Variants in AKT2 observed in about 807,000 individuals in gnomAD.
AKT2 encodes the protein AKT serine/threonine kinase 2, also known as RAC-beta serine/threonine-protein kinase.
Under a neutral mutation model 58.6 loss-of-function variants are expected in AKT2, and 16 were observed. That is an observed-to-expected ratio of 0.27 (90% CI 0.18 to 0.41). The LOEUF is 0.41. AKT2 is among the 10% of genes least tolerant of loss of function. The probability of loss-of-function intolerance (pLI) is 1.00; values close to 1 mark genes in which losing one functional copy is unlikely to be tolerated. For synonymous variants in AKT2, 253 were observed against 254.0 expected, an observed-to-expected ratio of 1.00 and a Z score of 0.04; for missense variants, 438 against 661.0, an observed-to-expected ratio of 0.66 and a Z score of 3.70.
Position 40,233,085 on chromosome 19 carries a change from GC to G in AKT2, c.*786del, listed in dbSNP as rs1323898417. 1 of 238,140 alleles carries G rather than the reference GC, an allele frequency of 4.2e-6. No individual in the cohort carries two copies. The allele number at this position is 238,140 out of a possible 1,614,324, so 14.8% of individuals were successfully genotyped here. A position where few individuals can be genotyped will look rare whatever the true frequency, so the allele number is the denominator to read the frequency against. On this transcript the variant is annotated 3_prime_UTR_variant, in exon 14 of 14. Transcript: ENST00000392038. The surrounding 1 kb of genome is among the most constrained non-coding windows in gnomAD (Gnocchi z 4.3). Reference sequence around the variant, plus strand: ...GGGGCCAGGCCAGGCCCAGGGTCCAGCGGGAGGTAAGGCCAGCTGGAAGGAA... The same window carrying G: ...GGGGCCAGGCCAGGCCCAGGGTCCAGGGGAGGTAAGGCCAGCTGGAAGGAA...
At chr19:40,282,026 C>T (rs1363854785) in intron 1 of AKT2, among the ~76,000 whole-genome samples, 1 of 152,154 alleles carries the variant, frequency 6.6e-6, no homozygotes, top group Non-Finnish European at 1.5e-5. Flanking sequence ...TGGATTTGAA[C>T]CCTGTGCTCT....
chr19:40,234,940 G>A lies in AKT2; in HGVS notation c.1366+105C>T. ...AGACTTGGGGAAATCTCCCAGACAT[G>A]AAGCGGGGGCCTTCGAGGGCCCTCC... On this transcript the variant is annotated intron_variant, in intron 13 of 13. Coordinates refer to ENST00000392038, the MANE Select transcript of AKT2 (RefSeq NM_001626.6). The surrounding 1 kb of genome is among the most constrained non-coding windows in gnomAD (Gnocchi z 4.7). 1 of 1,051,446 alleles carries A rather than the reference G, an allele frequency of 9.5e-7. No homozygotes were observed. The allele number at this position is 1,051,446 out of a possible 1,614,324, so 65.1% of individuals were successfully genotyped here.
chr19:40,283,271 G>T (rs548341225), intron 1 of AKT2: 36 of 152,368 alleles, frequency 2.4e-4, no homozygotes, highest in African/African-American at 8.7e-4. Flanking sequence ...TCCAAACAGT[G>T]TGTGGCCCAC....
chr19:40,235,966 T>C lies in AKT2; in HGVS notation c.1099A>G (p.Ile367Val), dbSNP rs1470923617. Reference sequence around the variant, plus strand: ...GGGCTGAGCGTGCGCGGGAAGCGGATCTCTTCCATGAGGATGAGCTCGAAG... The same window carrying C: ...GGGCTGAGCGTGCGCGGGAAGCGGACCTCTTCCATGAGGATGAGCTCGAAG... ...RLFELILMEE[I>V]RFPRTLSPEA... Residue 367 changes from isoleucine (I) to valine (V), a missense_variant, in exon 11 of 14, where the codon ATC (isoleucine) becomes GTC (valine). By Grantham distance (29) the Ile-to-Val change is conservative (BLOSUM62 3). Coordinates refer to ENST00000392038, the MANE Select transcript of AKT2 (RefSeq NM_001626.6). This position sits in a 1 kb window ranked among gnomAD's most constrained non-coding sequence, Gnocchi z 6.3. The C allele has an allele frequency of 8.1e-6, 13 of 1,614,012 alleles. No homozygotes were observed. The highest frequency in any genetic ancestry group is 8.5e-7 in the Non-Finnish European group (1 of 1,180,006).
chr19:40,252,948 C>T (rs1975271395), intron 4 of AKT2, among the ~76,000 whole-genome samples: 1 of 152,092 alleles, frequency 6.6e-6, no homozygotes, highest in African/African-American at 2.4e-5. Flanking sequence ...TTTTGTTCCC[C>T]TCAGTGGGGC....
At chr19:40,280,261 T>C (rs1028282596) in intron 1 of AKT2, among the ~76,000 whole-genome samples, 2 of 152,168 alleles carry the variant, frequency 1.3e-5, no homozygotes, top group Non-Finnish European at 2.9e-5. Context: ...GCTGGTTGGG[T>C]TGGGGAGGAA....
rs1973902472 is a variant in AKT2 at position 40,234,713 on chromosome 19, G to A, written c.1366+332C>T. On this transcript the variant is annotated intron_variant, in intron 13 of 13. Coordinates refer to ENST00000392038, the MANE Select transcript of AKT2 (RefSeq NM_001626.6). This position sits in a 1 kb window ranked among gnomAD's most constrained non-coding sequence, Gnocchi z 4.7. ...GCCCAGGGCTGGCTCAATCAGTGCT[G>A]TGTCCCCAGCATAGCCCAGCCCTGG... The A allele has an allele frequency of 1.7e-6, 1 of 599,302 alleles. No homozygotes were observed. The highest frequency in any genetic ancestry group is 2.0e-5 in the South Asian group (1 of 49,620). 37.1% of individuals were successfully genotyped at this position (599,302 alleles called of 1,614,324 possible). A position where few individuals can be genotyped will look rare whatever the true frequency, so the allele number is the denominator to read the frequency against.
intron 1 of AKT2, among the ~76,000 whole-genome samples, chr19:40,278,117 G>C (rs1048758257): frequency 3.3e-5 from 5 of 152,212 alleles, no homozygotes; most frequent in African/African-American, 1.2e-4. Flanking sequence ...TGCCAGCTCT[G>C]TCTAGGAGAA....
At chr19:40,271,042 AC>A (rs1408241802) in intron 1 of AKT2, among the ~76,000 whole-genome samples, 3 of 150,014 alleles carry the variant, frequency 2.0e-5, no homozygotes, top group African/African-American at 7.4e-5. Context: ...AAACAAACAA[AC>A]AAACAAAAAA....
chr19:40,235,830 G>A lies in AKT2; in HGVS notation c.1175+60C>T, dbSNP rs1973987343. The stretch of plus-strand genomic sequence containing the variant: ...CCCTTGTGGACGCTGCCCCCTCCAG[G>A]CCGCAGGGACAGTGGCAGCAGCTGG... On this transcript the variant is annotated intron_variant, in intron 11 of 13. Transcript: ENST00000392038. The surrounding 1 kb of genome is among the most constrained non-coding windows in gnomAD (Gnocchi z 6.3). 1 of 1,525,240 alleles carries A rather than the reference G, an allele frequency of 6.6e-7. No homozygotes were observed. Among genetic ancestry groups the A allele is most frequent in the Non-Finnish European group, 8.9e-7 (1 of 1,129,272 alleles). The allele number at this position is 1,525,240 out of a possible 1,614,324, so 94.5% of individuals were successfully genotyped here. A position where few individuals can be genotyped will look rare whatever the true frequency, so the allele number is the denominator to read the frequency against.
At position 40,238,502 on chromosome 19, in the gene AKT2, C is replaced by A. The variant is rs367910101; in HGVS notation, c.708+403G>T. ...CAAGGAGTGGGTGACAAAAGTGAGG[C>A]GACTCTGTAAGGGGAAGCTGAGCGG... On this transcript the variant is annotated intron_variant, in intron 8 of 13. Coordinates refer to ENST00000392038, the MANE Select transcript of AKT2 (RefSeq NM_001626.6). The surrounding 1 kb of genome is among the most constrained non-coding windows in gnomAD (Gnocchi z 5.1). Among the ~76,000 whole-genome samples, 1 of 152,108 alleles carries A rather than the reference C, an allele frequency of 6.6e-6. No individual in the cohort carries two copies. Among genetic ancestry groups the A allele is most frequent in the Non-Finnish European group, 1.5e-5 (1 of 68,026 alleles).
intron 1 of AKT2, among the ~76,000 whole-genome samples, chr19:40,265,814 T>A (rs1224026862): frequency 6.6e-6 from 1 of 151,932 alleles, no homozygotes; most frequent in Non-Finnish European, 1.5e-5. Context: ...ACACACTCTT[T>A]TCTCTCTCTC....
At chr19:40,245,894 C>A (rs1240672509) in intron 4 of AKT2, among the ~76,000 whole-genome samples, 1 of 152,122 alleles carries the variant, frequency 6.6e-6, no homozygotes, top group African/African-American at 2.4e-5. Flanking sequence ...AGGGCCAGGG[C>A]GCAGCAGGGC....
In AKT2 at chr19:40,236,393, A is replaced by G; in HGVS notation, c.832-8T>C. On this transcript the variant is annotated splice_polypyrimidine_tract_variant and splice_region_variant and intron_variant, in intron 9 of 13. Transcript: ENST00000392038. ...CAGCATGAGGTTTTCCAGCTGTTGG[A>G]AAAGTCAACGGATCTCAGGTGCATG... 6.2e-7 allele frequency: 1 copy of G among 1,614,040 alleles called. No individual in the cohort carries two copies. The highest frequency in any genetic ancestry group is 8.5e-7 in the Non-Finnish European group (1 of 1,180,012).
At chr19:40,241,910 T>G in intron 6 of AKT2, 28 bp downstream of exon 6, 5 of 1,612,974 alleles carry the variant, frequency 3.1e-6, no homozygotes, top group Non-Finnish European at 4.2e-6. Context: ...CCACAGAGGC[T>G]CGCGAGCGCA....
rs1974021712 is a variant in AKT2, at chr19:40,236,287, G to A, written c.930C>T (p.Phe310=). 6.2e-7 allele frequency: 1 copy of A among 1,614,010 alleles called. No homozygotes were observed. The highest frequency in any genetic ancestry group is 8.5e-7 in the Non-Finnish European group (1 of 1,180,046). Reference sequence around the variant, plus strand: ...GCGCCAGGTACTCCGGGGTCCCACAGAAGGTTTTCATGGTGGCCCCGTCAC... The same window carrying A: ...GCGCCAGGTACTCCGGGGTCCCACAAAAGGTTTTCATGGTGGCCCCGTCAC... ...GISDGATMKT[F]CGTPEYLAPE... is the part of the protein sequence containing the mutation. Residue 310 remains phenylalanine, a synonymous_variant, in exon 10 of 14, where the codon TTC becomes TTT. Coordinates refer to ENST00000392038, the MANE Select transcript of AKT2 (RefSeq NM_001626.6).
chr19:40,241,656 C>T (rs901416009), intron 6 of AKT2: 1 of 474,106 alleles, frequency 2.1e-6, no homozygotes, highest in Non-Finnish European at 3.9e-6. Context: ...TCCTCCCCAA[C>T]AGGCCCCAGC....
Position 40,236,237 on chromosome 19 carries a change from C to T in AKT2, c.960+20G>A, listed in dbSNP as rs749324936. On this transcript the variant is annotated intron_variant, in intron 10 of 13. Coordinates refer to ENST00000392038, the MANE Select transcript of AKT2 (RefSeq NM_001626.6). ...CTACCCTTGGCCTCACACGTTCCTACCCCCACCAACCCCAGACACCTCAGG... is the reference window on the plus strand; with the variant it reads ...CTACCCTTGGCCTCACACGTTCCTATCCCCACCAACCCCAGACACCTCAGG... 1 of 1,613,566 alleles carries T rather than the reference C, an allele frequency of 6.2e-7. No homozygotes were observed. Among genetic ancestry groups the T allele is most frequent in the Non-Finnish European group, 8.5e-7 (1 of 1,179,998 alleles).
intron 7 of AKT2, chr19:40,239,405 GAT>G (rs1974241142): frequency 3.8e-6 from 1 of 262,786 alleles, no homozygotes; most frequent in African/African-American, 2.2e-5. Context: ...GCACTAAGGA[GAT>G]CTACAGAGAG....
Sources: allele counts gnomAD v4.1 joint callset (sites outside exome capture counted in the v4.1 genomes callset), GRCh38; gene constraint gnomAD v4.1.1; non-coding constraint Gnocchi (gnomAD v3.1); transcripts MANE v1.5; gene names NCBI Gene and HGNC (gene_info 2026-07-23, HGNC 2026-07-21).